The following RFX7 variants were observed in gnomAD, a reference collection of about 807,000 sequenced individuals.
The protein encoded by RFX7 is regulatory factor X7.
Under a neutral mutation model 111.8 loss-of-function variants are expected in RFX7, and 26 were observed. The observed-to-expected ratio is 0.23, with a 90% CI of 0.17 to 0.32. The LOEUF (loss-of-function observed/expected upper bound fraction) is 0.32, where lower values mean the gene tolerates loss of function less well. Ranked by LOEUF, RFX7 falls within the 10% of genes least tolerant of loss-of-function variation. The pLI is 1.00. For synonymous variants in RFX7, 624 were observed against 624.4 expected, an observed-to-expected ratio of 1.00 and a Z score of 0.01; for missense variants, 1,573 against 1,772.9, an observed-to-expected ratio of 0.89 and a Z score of 2.02.
chr15:56,199,277 TATA>T (rs1288776173), intron 2 of RFX7, among the ~76,000 whole-genome samples: 1 of 152,210 alleles, frequency 6.6e-6, no homozygotes, highest in Non-Finnish European at 1.5e-5. Context: ...AAGTGTAGGA[TATA>T]ATGACTCATT....
chr15:56,174,911 C>T (rs567224932), intron 3 of RFX7, among the ~76,000 whole-genome samples: 6 of 152,140 alleles, frequency 3.9e-5, no homozygotes, highest in East Asian at 1.9e-4. Flanking sequence ...CCTTAAGATC[C>T]GGAACAAGGC....
At chr15:56,218,026 C>T (rs1479083724) in intron 2 of RFX7, among the ~76,000 whole-genome samples, 2 of 151,748 alleles carry the variant, frequency 1.3e-5, no homozygotes, top group Admixed American at 6.6e-5. Flanking sequence ...ATGGTTGTGC[C>T]TGTACTGAAC....
Position 56,101,427 on chromosome 15 carries a change from A to C in RFX7, c.743T>G (p.Leu248Arg). The C allele has an allele frequency of 6.2e-7, 1 of 1,612,834 alleles. No individual in the cohort carries two copies. Reference protein sequence around the residue: ...FDTVLELARFLVKSHYIGTKS... With the variant: ...FDTVLELARFRVKSHYIGTKS... ...GGTGCCTATATAGTGACTTTTTACA[A>C]GGAAGCGGGCTAATTCCAAGACGGT... The change falls in exon 8 of 10, where the codon CTT (leucine) becomes CGT (arginine). Residue 248 changes from leucine to arginine, a missense_variant. Physicochemically the swap from Leu to Arg is moderately radical, Grantham distance 102. Transcript: ENST00000559447.
chr15:56,137,409 G>C (rs1433660293), intron 5 of RFX7, among the ~76,000 whole-genome samples: 1 of 152,162 alleles, frequency 6.6e-6, no homozygotes, highest in Non-Finnish European at 1.5e-5. Context: ...GCGTAGAGGT[G>C]TTTGTAGTAT....
intron 2 of RFX7, among the ~76,000 whole-genome samples, chr15:56,222,394 T>C (rs1197806938): frequency 1.1e-4 from 16 of 152,348 alleles, no homozygotes; most frequent in African/African-American, 3.8e-4. Context: ...TCCAATGATA[T>C]GTGGGTTTTC....
At chr15:56,104,912 C>T (rs1184546075) in intron 5 of RFX7, among the ~76,000 whole-genome samples, 6 of 152,142 alleles carry the variant, frequency 3.9e-5, no homozygotes. Flanking sequence ...TTAGCAGCTT[C>T]ATATTTAAAT....
chr15:56,174,642 G>A (rs1027944103), intron 3 of RFX7, among the ~76,000 whole-genome samples: 2 of 152,106 alleles, frequency 1.3e-5, no homozygotes, highest in African/African-American at 2.4e-5. Flanking sequence ...AGCTACTCGG[G>A]AGGCTGAGGA....
At chr15:56,188,277 TA>T (rs1229160801) in intron 2 of RFX7, among the ~76,000 whole-genome samples, 2 of 152,144 alleles carry the variant, frequency 1.3e-5, no homozygotes, top group African/African-American at 4.8e-5. Context: ...AAAGATTTTT[TA>T]AAAATAATAA....
At chr15:56,243,042 T>TCCCCCCCCCCCCCC in intron 2 of RFX7, 83 bp downstream of exon 2, 3 of 543,104 alleles carry the variant, frequency 5.5e-6, no homozygotes, top group Non-Finnish European at 3.3e-6. Flanking sequence ...CCTCCTCCGC[T>TCCCCCCCCCCCCCC]CCCCCCGCCC....
At chr15:56,191,276 A>G (rs1426894286) in intron 2 of RFX7, among the ~76,000 whole-genome samples, 1 of 152,228 alleles carries the variant, frequency 6.6e-6, no homozygotes, top group African/African-American at 2.4e-5. Flanking sequence ...TAAAAAATTA[A>G]ATATATGAAA....
chr15:56,212,720 G>A (rs1443301467), intron 2 of RFX7, among the ~76,000 whole-genome samples: 1 of 151,952 alleles, frequency 6.6e-6, no homozygotes, highest in African/African-American at 2.4e-5. Flanking sequence ...AAGCTTTAGT[G>A]TAAAAAAACA....
rs560095562 is a variant in RFX7 at position 56,201,958 on chromosome 15, G to A, written c.162-22655C>T. Among the ~76,000 whole-genome samples the A allele has an allele frequency of 7.2e-5, 11 of 152,260 alleles. No homozygotes were observed. In the East Asian group the frequency reaches 1.7e-3, roughly 24 times the overall value. On this transcript the variant is annotated intron_variant, in intron 2 of 9. Transcript: ENST00000559447. ...AGGCAGGAGAGTGGCATGAACCTGGGAGGCAGAGCTTGCAGTGAGCTGAGA... is the reference window on the plus strand; with the variant it reads ...AGGCAGGAGAGTGGCATGAACCTGGAAGGCAGAGCTTGCAGTGAGCTGAGA...
At chr15:56,167,586 T>G (rs899408610) in intron 3 of RFX7, among the ~76,000 whole-genome samples, 3 of 152,214 alleles carry the variant, frequency 2.0e-5, no homozygotes, top group Non-Finnish European at 4.4e-5. Flanking sequence ...AATAAGAAAT[T>G]TAGTTTAAGA....
At chr15:56,231,057 T>G (rs11071255) in intron 2 of RFX7, among the ~76,000 whole-genome samples, 19,842 of 151,956 alleles carry the variant, frequency 0.13, 1,698 homozygotes, top group East Asian at 0.45. Context: ...AAGCAGGAAT[T>G]AAAGTAGGAT....
chr15:56,087,654 G>A lies in RFX7; in HGVS notation c.*5691C>T. 3 of 431,686 alleles carry A rather than the reference G, an allele frequency of 6.9e-6. No homozygotes were observed. The highest frequency in any genetic ancestry group is 5.0e-5 in the South Asian group (3 of 59,704). The allele number at this position is 431,686 out of a possible 1,614,324, so 26.7% of individuals were successfully genotyped here. A position where few individuals can be genotyped will look rare whatever the true frequency, so the allele number is the denominator to read the frequency against. On this transcript the variant is annotated 3_prime_UTR_variant, in exon 10 of 10. Transcript: ENST00000559447. ...CAGCTAAAAATCAAGGACTTTTACA[G>A]TAAAGAAGAAGGGGAGAATGCATAC...
intron 4 of RFX7, among the ~76,000 whole-genome samples, chr15:56,143,549 G>A (rs1334701848): frequency 2.0e-5 from 3 of 151,936 alleles, no homozygotes; most frequent in Non-Finnish European, 4.4e-5. Context: ...TTTACTATAT[G>A]GAAGTATTAC....
chr15:56,234,463 GA>G (rs1567055943), intron 2 of RFX7, among the ~76,000 whole-genome samples: 1 of 152,046 alleles, frequency 6.6e-6, no homozygotes, highest in African/African-American at 2.4e-5. Flanking sequence ...TCCTGCTTCA[GA>G]AAAAAGGACA....
intron 3 of RFX7, among the ~76,000 whole-genome samples, chr15:56,170,082 T>C (rs1373934097): frequency 2.6e-5 from 4 of 152,206 alleles, no homozygotes; most frequent in Non-Finnish European, 4.4e-5. Flanking sequence ...GTATGTTTAA[T>C]GATTGATTCA....
chr15:56,101,620 T>G, intron 7 of RFX7, 54 bp from the exon 8 acceptor site: 3 of 1,446,504 alleles, frequency 2.1e-6, no homozygotes, highest in Non-Finnish European at 2.9e-6. Flanking sequence ...GAAATTAAAT[T>G]GAAGCATGTT....
Sources: gnomAD v4.1 joint callset for allele counts (sites outside exome capture counted in the v4.1 genomes callset) on GRCh38, gnomAD v4.1.1 for gene constraint, MANE v1.5 for transcripts, NCBI Gene and HGNC (gene_info 2026-07-23, HGNC 2026-07-21) for gene names.